The following RFX1 variants were observed in gnomAD, a reference collection of about 807,000 sequenced individuals.
RFX1 encodes regulatory factor X1.
Under a neutral mutation model 119.6 loss-of-function variants are expected in RFX1, and 42 were observed. The ratio of observed to expected loss-of-function variants is 0.35; its 90% confidence interval spans 0.27 to 0.45. The LOEUF (loss-of-function observed/expected upper bound fraction) is 0.45, where lower values mean the gene tolerates loss of function less well. RFX1 is among the 20% of genes least tolerant of loss of function. RFX1 has a pLI of 1.00. For synonymous variants in RFX1, 628 were observed against 618.5 expected (o/e 1.02, Z -0.23); for missense variants, 1,118 against 1,368.1 (o/e 0.82, Z 2.88).
rs534254223 is a variant in RFX1 at position 13,997,414 on chromosome 19, C to A, written c.-52-3519G>T. 5.9e-5 allele frequency among the ~76,000 whole-genome samples: 9 copies of A among 152,380 alleles called. No homozygotes were observed. In the South Asian group the frequency reaches 1.9e-3, roughly 32 times the overall value. ...GAAATGGGAGGACGGCTGGCCCTACCAGGCGGGGCTGCTGAGGGTTCAAGC... is the reference window on the plus strand; with the variant it reads ...GAAATGGGAGGACGGCTGGCCCTACAAGGCGGGGCTGCTGAGGGTTCAAGC... On this transcript the variant is annotated intron_variant, in intron 1 of 20. Coordinates refer to ENST00000254325, the MANE Select transcript of RFX1 (RefSeq NM_002918.5).
At chr19:14,005,805 T>C (rs1365723159) in intron 1 of RFX1, among the ~76,000 whole-genome samples, 5 of 108,368 alleles carry the variant, frequency 4.6e-5, no homozygotes, top group African/African-American at 7.2e-5. Context: ...TGGCCCAGCC[T>C]CCCCAGGCCC....
chr19:13,998,600 AG>A (rs1477606146), intron 1 of RFX1, among the ~76,000 whole-genome samples: 3 of 152,288 alleles, frequency 2.0e-5, no homozygotes, highest in African/African-American at 7.2e-5. Context: ...GGGACAGAGG[AG>A]GAAGGAGACA....
intron 2 of RFX1, 95 bp downstream of exon 2, chr19:13,993,429 TG>T: frequency 2.4e-6 from 3 of 1,244,682 alleles, no homozygotes; most frequent in Admixed American, 2.3e-5. Flanking sequence ...CCAGAAACCT[TG>T]GGGGGCATGG....
At chr19:13,993,923 G>A in intron 1 of RFX1, 28 bp from the exon 2 acceptor site, 2 of 1,184,310 alleles carry the variant, frequency 1.7e-6, no homozygotes, top group Non-Finnish European at 2.4e-6. Flanking sequence ...GGATGGGGGA[G>A]AGAAAAACAA....
chr19:13,984,761 G>T (rs1974541539), intron 2 of RFX1, among the ~76,000 whole-genome samples: 1 of 152,196 alleles, frequency 6.6e-6, no homozygotes, highest in African/African-American at 2.4e-5. Flanking sequence ...CCGACCCCCG[G>T]CAGGACTGAA....
At chr19:13,970,933 AG>A (rs538872390) in intron 9 of RFX1, among the ~76,000 whole-genome samples, 1 of 152,142 alleles carries the variant, frequency 6.6e-6, no homozygotes, top group African/African-American at 2.4e-5. Flanking sequence ...GCAGGGAGGC[AG>A]AGGCTGCAGT....
In RFX1 at chr19:13,962,352, G is replaced by A. The variant is rs551995797; in HGVS notation, c.*343C>T. The A allele has an allele frequency of 1.5e-4, 54 of 349,936 alleles. 1 individual carries two copies. The South Asian group carries it at 2.1e-3, about 14-fold the overall frequency. 21.7% of individuals were successfully genotyped at this position (349,936 alleles called of 1,614,324 possible). A position where few individuals can be genotyped will look rare whatever the true frequency, so the allele number is the denominator to read the frequency against. On this transcript the variant is annotated 3_prime_UTR_variant, in exon 21 of 21. Coordinates refer to ENST00000254325, the MANE Select transcript of RFX1 (RefSeq NM_002918.5). ...AACAGTTTCGCACGGGAGGGGGCCT[G>A]CCTGCCTGCCCCCTGGGGTGGTGGG...
chr19:13,967,042 C>G (rs995498859), intron 12 of RFX1, among the ~76,000 whole-genome samples: 6 of 152,204 alleles, frequency 3.9e-5, no homozygotes, highest in Non-Finnish European at 5.9e-5. Context: ...CAACACAGCA[C>G]CCACCTGGCC....
intron 7 of RFX1, among the ~76,000 whole-genome samples, chr19:13,978,835 G>A (rs970778009): frequency 1.3e-5 from 2 of 152,138 alleles, no homozygotes; most frequent in Admixed American, 6.5e-5. Flanking sequence ...GGCTCGGGCC[G>A]GGAGCCGGGA....
At chr19:13,995,062 C>T (rs1049318477) in intron 1 of RFX1, among the ~76,000 whole-genome samples, 21 of 151,030 alleles carry the variant, frequency 1.4e-4, no homozygotes, top group Non-Finnish European at 2.5e-4. Flanking sequence ...TGAGCCACCA[C>T]GCCCGGCCTA....
chr19:13,987,026 G>A (rs1374233127), intron 2 of RFX1, among the ~76,000 whole-genome samples: 11 of 152,178 alleles, frequency 7.2e-5, no homozygotes, highest in Admixed American at 7.2e-4. Flanking sequence ...CCCCATCTGT[G>A]CTTGGGAATG....
chr19:13,963,734 A>G lies in RFX1; in HGVS notation c.2374T>C (p.Trp792Arg). ...DFANVQEQAS[W>R]VCRCEDRVVQ... ...ACGCGGTCCTCGCAGCGGCACACCCACGAGGCCTGCTCCTGGGGCACAGAG... is the reference window on the plus strand; with the variant it reads ...ACGCGGTCCTCGCAGCGGCACACCCGCGAGGCCTGCTCCTGGGGCACAGAG... Residue 792 changes from tryptophan to arginine, a missense_variant, in exon 18 of 21, where the codon TGG becomes CGG. Trp to Arg is a moderately radical substitution (Grantham distance 101). Around this residue, in one of 5 missense-constraint regions of RFX1, gnomAD observed 338 missense variants for 508.9 expected, o/e 0.66. Transcript: ENST00000254325. The G allele has an allele frequency of 3.2e-6, 5 of 1,554,466 alleles. No individual in the cohort carries two copies. Among genetic ancestry groups the G allele is most frequent in the Non-Finnish European group, 4.4e-6 (5 of 1,146,242 alleles).
rs527368181 is a variant in RFX1, at chr19:13,966,388, CT to C, written c.1961+32del. 6.3e-6 allele frequency: 9 copies of C among 1,433,128 alleles called. No individual in the cohort carries two copies. In the South Asian group the frequency reaches 8.0e-5, roughly 13 times the overall value. The allele number at this position is 1,433,128 out of a possible 1,614,324, so 88.8% of individuals were successfully genotyped here. Reference sequence around the variant, plus strand: ...CCTGCGGGTCATGCCCTCCTCCCCCCTCTCCCTCCCACAGTCGCCGGGCAGT... The same window carrying C: ...CCTGCGGGTCATGCCCTCCTCCCCCCCTCCCTCCCACAGTCGCCGGGCAGT... On this transcript the variant is annotated intron_variant, in intron 14 of 20. Transcript: ENST00000254325. This position sits in a 1 kb window ranked among gnomAD's most constrained non-coding sequence, Gnocchi z 6.3.
chr19:13,997,986 C>G (rs1427050452), intron 1 of RFX1: 2 of 152,222 alleles, frequency 1.3e-5, no homozygotes, highest in Admixed American at 6.5e-5. Flanking sequence ...GTTCCTCACA[C>G]CATCGGGTCC....
Position 13,966,835 on chromosome 19 carries a change from C to T in RFX1, c.1733-84G>A. 1 of 909,886 alleles carries T rather than the reference C, an allele frequency of 1.1e-6. No individual in the cohort carries two copies. Among genetic ancestry groups the T allele is most frequent in the Non-Finnish European group, 1.7e-6 (1 of 598,120 alleles). 56.4% of individuals were successfully genotyped at this position (909,886 alleles called of 1,614,324 possible). On this transcript the variant is annotated intron_variant, in intron 12 of 20. Transcript: ENST00000254325. This position sits in a 1 kb window ranked among gnomAD's most constrained non-coding sequence, Gnocchi z 6.3. ...TCCTACTGACCTGTCCGTTTCCCAT[C>T]AGACTGGGGTCCCCCATGTGCCGGT...
At chr19:13,994,719 A>ATGTGTGTGTGTGTG (rs35165719) in intron 1 of RFX1, among the ~76,000 whole-genome samples, 72 of 125,996 alleles carry the variant, frequency 5.7e-4, no homozygotes, top group African/African-American at 1.9e-3. Context: ...CTAAATATAT[A>ATGTGTGTGTGTGTG]TGTGTGTGTG....
At chr19:13,976,884 T>A (rs1429255253) in intron 8 of RFX1, among the ~76,000 whole-genome samples, 1 of 151,978 alleles carries the variant, frequency 6.6e-6, no homozygotes, top group Non-Finnish European at 1.5e-5. Context: ...ACACCTGTAG[T>A]CCCAGCTACT....
rs1002291699 is a variant in RFX1, at chr19:13,973,122, G to C, written c.935C>G (p.Ser312Cys). 9.8e-6 allele frequency: 15 copies of C among 1,531,180 alleles called. No homozygotes were observed. Among genetic ancestry groups the C allele is most frequent in the African/African-American group, 6.9e-5 (5 of 72,380 alleles). The allele number at this position is 1,531,180 out of a possible 1,614,324, so 94.8% of individuals were successfully genotyped here. ...DASYTASAIR[S>C]STYSYPETPL... ...CGTCTCGGGATAGGAGTAGGTGCTG[G>C]AACGGCTGGGAAAGAGGCAAAGCCA... is the stretch of plus-strand genomic sequence containing the variant. Residue 312 changes from serine to cysteine, a missense_variant, in exon 9 of 21, where the codon TCC becomes TGC. Physicochemically the swap from Ser to Cys is moderately radical, Grantham distance 112. Coordinates refer to ENST00000254325, the MANE Select transcript of RFX1 (RefSeq NM_002918.5).
Position 13,972,853 on chromosome 19 carries a change from T to C in RFX1, c.1204A>G (p.Ser402Gly), listed in dbSNP as rs1485764075. The C allele has an allele frequency of 6.4e-7, 1 of 1,570,398 alleles. No homozygotes were observed. The highest frequency in any genetic ancestry group is 8.6e-7 in the Non-Finnish European group (1 of 1,161,484). ...GGGGGGGGSG[S>G]TGGGGSGAGT... ...GCTCCGCTGCCGCCGCCTCCGGTGC[T>C]GCCACTGCCACCCCCGCCACCGCCT... Residue 402 changes from serine (S) to glycine (G), a missense_variant, in exon 9 of 21, where the codon AGC (serine) becomes GGC (glycine). Around this residue, in one of 5 missense-constraint regions of RFX1, gnomAD observed 542 missense variants for 602.7 expected, o/e 0.90. Transcript: ENST00000254325.
Sources: allele counts gnomAD v4.1 joint callset (sites outside exome capture counted in the v4.1 genomes callset), GRCh38; gene constraint gnomAD v4.1.1; regional missense constraint gnomAD v4.1.1; non-coding constraint Gnocchi (gnomAD v3.1); transcripts MANE v1.5; gene names NCBI Gene and HGNC (gene_info 2026-07-23, HGNC 2026-07-21).